The following LRRTM4 variants were observed in gnomAD, a reference collection of about 807,000 sequenced individuals.
The protein encoded by LRRTM4 is leucine-rich repeat transmembrane neuronal protein 4.
Under a neutral mutation model 47.6 loss-of-function variants are expected in LRRTM4, and 25 were observed. The ratio of observed to expected loss-of-function variants is 0.53; its 90% CI spans 0.38 to 0.73. The LOEUF is 0.73. LRRTM4 is among the 30% of genes least tolerant of loss of function. The probability of loss-of-function intolerance (pLI) is 0.00; values close to 1 mark genes in which losing one functional copy is unlikely to be tolerated. For synonymous variants in LRRTM4, 311 were observed against 269.5 expected, an observed-to-expected ratio of 1.15 and a Z score of -1.51; for missense variants, 638 against 713.4, an observed-to-expected ratio of 0.89 and a Z score of 1.20.
chr2:76,752,710 T>A (rs892453118), intron 3 of LRRTM4, among the ~76,000 whole-genome samples: 8 of 152,214 alleles, frequency 5.3e-5, no homozygotes, highest in Admixed American at 1.3e-4. Flanking sequence ...GGTCTTGTAC[T>A]TTACAGTAAT....
At chr2:77,399,449 C>T (rs1045857185) in intron 3 of LRRTM4, among the ~76,000 whole-genome samples, 1 of 151,642 alleles carries the variant, frequency 6.6e-6, no homozygotes, top group Admixed American at 6.6e-5. Flanking sequence ...AAATAGAGAG[C>T]AGAATGTTGG....
At chr2:77,367,139 C>T (rs537708121) in intron 3 of LRRTM4, among the ~76,000 whole-genome samples, 11 of 151,706 alleles carry the variant, frequency 7.3e-5, no homozygotes, top group Non-Finnish European at 1.3e-4. Flanking sequence ...TTGGAATGAC[C>T]TTCCTTGCCT....
At chr2:77,214,112 A>G (rs1674371332) in intron 3 of LRRTM4, among the ~76,000 whole-genome samples, 1 of 152,168 alleles carries the variant, frequency 6.6e-6, no homozygotes. Flanking sequence ...GCAATAAAGA[A>G]TTCATTCCAT....
At chr2:77,481,357 C>A (rs537034465) in intron 3 of LRRTM4, among the ~76,000 whole-genome samples, 1 of 152,060 alleles carries the variant, frequency 6.6e-6, no homozygotes, top group Non-Finnish European at 1.5e-5. Flanking sequence ...CCATCTAGTT[C>A]GAGAACCTGC....
intron 3 of LRRTM4, among the ~76,000 whole-genome samples, chr2:76,902,010 T>C (rs913344582): frequency 3.3e-5 from 5 of 152,194 alleles, no homozygotes; most frequent in Non-Finnish European, 5.9e-5. Context: ...TTATCCTTCC[T>C]ATGAAAAAGA....
chr2:77,075,321 A>C (rs548264880), intron 3 of LRRTM4, among the ~76,000 whole-genome samples: 1 of 152,318 alleles, frequency 6.6e-6, no homozygotes, highest in South Asian at 2.1e-4. Context: ...AATTAATTGG[A>C]AGTCTGTGTC....
At position 77,455,971 on chromosome 2, in the gene LRRTM4, T is replaced by G. The variant is rs141674311; in HGVS notation, c.1551+62347A>C. Among the ~76,000 whole-genome samples the G allele has an allele frequency of 2.6e-5, 4 of 152,162 alleles. No individual in the cohort carries two copies. The South Asian group carries it at 6.2e-4, about 24-fold the overall frequency. On this transcript the variant is annotated intron_variant, in intron 3 of 3. Transcript: ENST00000409884. ...TTTTCCTTATTCATTACCTGTTTCA[T>G]GACCCCACTTATTTTCTAGATTGAT...
chr2:77,359,215 A>C, intron 3 of LRRTM4, among the ~76,000 whole-genome samples: 1 of 152,212 alleles, frequency 6.6e-6, no homozygotes, highest in Non-Finnish European at 1.5e-5. Context: ...TTGTTTTATG[A>C]CTTTATAACC....
At chr2:77,085,508 C>T (rs1680682387) in intron 3 of LRRTM4, among the ~76,000 whole-genome samples, 1 of 151,394 alleles carries the variant, frequency 6.6e-6, no homozygotes, top group African/African-American at 2.4e-5. Context: ...TATATAGTTT[C>T]CTATTCTCTT....
chr2:77,499,900 T>A (rs775199735), intron 3 of LRRTM4, among the ~76,000 whole-genome samples: 1 of 151,838 alleles, frequency 6.6e-6, no homozygotes, highest in Non-Finnish European at 1.5e-5. Flanking sequence ...CCTAAAAATT[T>A]GCCCTTAAAG....
chr2:77,357,249 A>G (rs1434794005), intron 3 of LRRTM4, among the ~76,000 whole-genome samples: 1 of 152,164 alleles, frequency 6.6e-6, no homozygotes, highest in Non-Finnish European at 1.5e-5. Flanking sequence ...AAAACAAACA[A>G]AATGAAACCA....
At chr2:77,433,749 A>T (rs1675478331) in intron 3 of LRRTM4, among the ~76,000 whole-genome samples, 1 of 152,212 alleles carries the variant, frequency 6.6e-6, no homozygotes, top group Non-Finnish European at 1.5e-5. Flanking sequence ...GTCCTAACAC[A>T]AACAACAGGA....
At chr2:77,057,483 CAT>C (rs1679648200) in intron 3 of LRRTM4, among the ~76,000 whole-genome samples, 1 of 152,178 alleles carries the variant, frequency 6.6e-6, no homozygotes, top group Non-Finnish European at 1.5e-5. Flanking sequence ...CAAATAGTAA[CAT>C]GCAATTTAGT....
intron 3 of LRRTM4, among the ~76,000 whole-genome samples, chr2:76,862,648 C>T (rs1672348153): frequency 6.6e-6 from 1 of 152,214 alleles, no homozygotes; most frequent in Admixed American, 6.5e-5. Context: ...CGCGCACACA[C>T]ACACAAACAC....
chr2:76,784,561 T>G (rs1174732557), intron 3 of LRRTM4, among the ~76,000 whole-genome samples: 1 of 152,054 alleles, frequency 6.6e-6, no homozygotes, highest in Non-Finnish European at 1.5e-5. Flanking sequence ...ATAAAGTAAA[T>G]AAATGCAATA....
intron 3 of LRRTM4, among the ~76,000 whole-genome samples, chr2:76,787,810 G>A (rs1674760583): frequency 1.3e-5 from 2 of 152,130 alleles, no homozygotes; most frequent in Admixed American, 1.3e-4. Flanking sequence ...TTCTGTCCAA[G>A]GAAAAAGCCA....
intron 3 of LRRTM4, among the ~76,000 whole-genome samples, chr2:77,231,551 G>T (rs1173056515): frequency 2.0e-5 from 3 of 151,832 alleles, no homozygotes; most frequent in Admixed American, 1.3e-4. Flanking sequence ...CATATATAGA[G>T]ATCTTATTTA....
chr2:77,337,630 G>T (rs949208737), intron 3 of LRRTM4, among the ~76,000 whole-genome samples: 1 of 152,016 alleles, frequency 6.6e-6, no homozygotes, highest in African/African-American at 2.4e-5. Flanking sequence ...TGTGAAGAAG[G>T]TACTTGCTTC....
chr2:76,765,358 T>C (rs1326979913), intron 3 of LRRTM4, among the ~76,000 whole-genome samples: 1 of 152,172 alleles, frequency 6.6e-6, no homozygotes, highest in Non-Finnish European at 1.5e-5. Flanking sequence ...AAAAAGTTAA[T>C]GTTTTGGGGG....
Sources: allele counts gnomAD v4.1 joint callset (sites outside exome capture counted in the v4.1 genomes callset), GRCh38; gene constraint gnomAD v4.1.1; transcripts MANE v1.5; gene names NCBI Gene and HGNC (gene_info 2026-07-23, HGNC 2026-07-21).